The following UBE2E2 variants were observed in gnomAD, a reference collection of about 807,000 sequenced individuals.
UBE2E2 encodes the protein ubiquitin-conjugating enzyme E2 E2.
UBE2E2 carries 6 observed loss-of-function variants against 24.7 expected under a neutral mutation model. The ratio of observed to expected loss-of-function variants is 0.24; its 90% CI spans 0.13 to 0.48. The LOEUF (loss-of-function observed/expected upper bound fraction) is 0.48, where lower values mean the gene tolerates loss of function less well. Among genes scored for constraint, UBE2E2 ranks in the 20% least tolerant of loss-of-function variants. The pLI is 0.99. For synonymous variants in UBE2E2, 104 were observed against 83.6 expected (o/e 1.24, Z -1.33); for missense variants, 169 against 245.0 (o/e 0.69, Z 2.07).
At chr3:23,354,358 A>C (rs1352962279) in intron 3 of UBE2E2, among the ~76,000 whole-genome samples, 2 of 152,332 alleles carry the variant, frequency 1.3e-5, no homozygotes, top group Non-Finnish European at 2.9e-5. Context: ...CACCAAAAGC[A>C]ATGGCAACAA....
intron 3 of UBE2E2, among the ~76,000 whole-genome samples, chr3:23,456,296 A>G (rs1049335177): frequency 3.9e-5 from 6 of 152,208 alleles, no homozygotes; most frequent in South Asian, 2.1e-4. Context: ...ATCAACTTCT[A>G]TCAAGCTCCT....
intron 1 of UBE2E2, among the ~76,000 whole-genome samples, chr3:23,203,991 C>T (rs1206488691): frequency 1.3e-5 from 2 of 152,034 alleles, no homozygotes; most frequent in Non-Finnish European, 2.9e-5. Flanking sequence ...TGTGTGTGTC[C>T]TGGTGAGGGG....
intron 3 of UBE2E2, among the ~76,000 whole-genome samples, chr3:23,343,435 G>A (rs577763234): frequency 1.3e-5 from 2 of 151,856 alleles, no homozygotes; most frequent in Non-Finnish European, 2.9e-5. Flanking sequence ...AATTAGCTGG[G>A]TGTCGTGGCA....
At chr3:23,510,138 GA>G (rs1694559763) in intron 4 of UBE2E2, among the ~76,000 whole-genome samples, 1 of 152,188 alleles carries the variant, frequency 6.6e-6, no homozygotes, top group Non-Finnish European at 1.5e-5. Context: ...GAGACAGAGA[GA>G]AATGAATGTT....
intron 3 of UBE2E2, among the ~76,000 whole-genome samples, chr3:23,423,097 C>G (rs773690607): frequency 1.3e-4 from 20 of 152,146 alleles, no homozygotes; most frequent in Admixed American, 3.3e-4. Flanking sequence ...ATGTTAGGTT[C>G]ATTGGTTTGC....
intron 3 of UBE2E2, among the ~76,000 whole-genome samples, chr3:23,437,995 C>T (rs1374311099): frequency 6.6e-6 from 1 of 152,162 alleles, no homozygotes; most frequent in African/African-American, 2.4e-5. Flanking sequence ...CAAGTTGGAA[C>T]AGTGAGGGGC....
intron 2 of UBE2E2, among the ~76,000 whole-genome samples, chr3:23,213,145 GAA>G (rs1324694471): frequency 6.6e-6 from 1 of 152,056 alleles, no homozygotes; most frequent in African/African-American, 2.4e-5. Context: ...TTCCTGCTAA[GAA>G]ATTACTTTGC....
intron 5 of UBE2E2, among the ~76,000 whole-genome samples, chr3:23,548,744 A>G (rs1695577391): frequency 6.6e-6 from 1 of 152,142 alleles, no homozygotes; most frequent in Non-Finnish European, 1.5e-5. Context: ...TAAAATATTT[A>G]AAAACAAACA....
At chr3:23,213,974 AC>A (rs1459761172) in intron 2 of UBE2E2, among the ~76,000 whole-genome samples, 1 of 152,168 alleles carries the variant, frequency 6.6e-6, no homozygotes, top group Non-Finnish European at 1.5e-5. Context: ...CTTAATACAT[AC>A]CATAATCACA....
intron 3 of UBE2E2, among the ~76,000 whole-genome samples, chr3:23,348,482 A>G (rs1695627429): frequency 6.6e-6 from 1 of 152,172 alleles, no homozygotes; most frequent in South Asian, 2.1e-4. Context: ...GACAATAGCC[A>G]GACATTCAAG....
chr3:23,578,571 A>T (rs756758055), intron 5 of UBE2E2, among the ~76,000 whole-genome samples: 4 of 152,252 alleles, frequency 2.6e-5, no homozygotes, highest in African/African-American at 9.6e-5. Context: ...AATGTGATAC[A>T]TACACACCAT....
At chr3:23,302,063 A>G (rs1699111605) in intron 3 of UBE2E2, among the ~76,000 whole-genome samples, 1 of 152,050 alleles carries the variant, frequency 6.6e-6, no homozygotes, top group Admixed American at 6.6e-5. Context: ...CCTTGTCAGT[A>G]TAGCTCGTAT....
chr3:23,490,006 A>G (rs1047550513), intron 3 of UBE2E2, among the ~76,000 whole-genome samples: 1 of 152,202 alleles, frequency 6.6e-6, no homozygotes, highest in African/African-American at 2.4e-5. Flanking sequence ...GAAAAGGGAA[A>G]AAAATGTTGA....
chr3:23,469,263 G>A (rs1698984764), intron 3 of UBE2E2, among the ~76,000 whole-genome samples: 1 of 152,142 alleles, frequency 6.6e-6, no homozygotes, highest in Non-Finnish European at 1.5e-5. Flanking sequence ...ATATCAATTT[G>A]TGGGGGACAC....
At chr3:23,497,964 A>C (rs1429354550) in intron 3 of UBE2E2, among the ~76,000 whole-genome samples, 1 of 152,124 alleles carries the variant, frequency 6.6e-6, no homozygotes, top group Admixed American at 6.6e-5. Flanking sequence ...TTTGTCAGGC[A>C]TTGATTTTTG....
At chr3:23,228,602 A>G (rs912520272) in intron 3 of UBE2E2, among the ~76,000 whole-genome samples, 1 of 152,172 alleles carries the variant, frequency 6.6e-6, no homozygotes, top group Non-Finnish European at 1.5e-5. Flanking sequence ...ATTTTTTAGT[A>G]TATTTTAAGA....
intron 3 of UBE2E2, among the ~76,000 whole-genome samples, chr3:23,333,508 G>A (rs1478442654): frequency 1.3e-5 from 2 of 152,032 alleles, no homozygotes; most frequent in African/African-American, 4.8e-5. Context: ...GTACTCCTAG[G>A]AGACAGATTT....
At chr3:23,299,248 TAA>T (rs1241257439) in intron 3 of UBE2E2, among the ~76,000 whole-genome samples, 2 of 152,214 alleles carry the variant, frequency 1.3e-5, no homozygotes. Context: ...CTGGTTTCAT[TAA>T]TCTTTTGAAG....
chr3:23,347,683 C>A (rs964486495), intron 3 of UBE2E2, among the ~76,000 whole-genome samples: 1 of 152,022 alleles, frequency 6.6e-6, no homozygotes, highest in Non-Finnish European at 1.5e-5. Flanking sequence ...GCACATGTAC[C>A]CTAAAACTTA....
Sources: gnomAD v4.1 joint callset for allele counts (sites outside exome capture counted in the v4.1 genomes callset) on GRCh38, gnomAD v4.1.1 for gene constraint, MANE v1.5 for transcripts, NCBI Gene and HGNC (gene_info 2026-07-23, HGNC 2026-07-21) for gene names.